Variants in TECTA observed in about 807,000 individuals in gnomAD.
TECTA encodes the protein alpha-tectorin.
Under a neutral mutation model 216.8 loss-of-function variants are expected in TECTA, and 128 were observed. That is an observed-to-expected ratio of 0.59 (90% CI 0.51 to 0.68). The LOEUF (loss-of-function observed/expected upper bound fraction) is 0.68, where lower values mean the gene tolerates loss of function less well. TECTA is among the 30% of genes least tolerant of loss of function. The pLI is 0.00. For synonymous variants in TECTA, 1,089 were observed against 1,117.1 expected, an observed-to-expected ratio of 0.97 and a Z score of 0.50; for missense variants, 2,551 against 2,786.2, an observed-to-expected ratio of 0.92 and a Z score of 1.90.
intron 7 of TECTA, among the ~76,000 whole-genome samples, chr11:121,123,287 C>T (rs906674172): frequency 4.6e-5 from 7 of 152,190 alleles, no homozygotes; most frequent in African/African-American, 1.7e-4. Context: ...TTAATTCTCT[C>T]TCTTTGAGGC....
Position 121,125,415 on chromosome 11 carries a change from T to C in TECTA, c.1317T>C (p.Phe439=). The part of the protein sequence containing the change: ...VETDFGLLVT[F]DGQHYASISV... ...CAGATTTTGGGCTCTTAGTGACTTT[T>C]GATGGCCAGCACTACGCCTCCATTT... Residue 439 remains phenylalanine (F), a synonymous_variant, in exon 8 of 24, where the codon TTT becomes TTC. Coordinates refer to ENST00000392793, the MANE Select transcript of TECTA (RefSeq NM_005422.4). 6.2e-7 allele frequency: 1 copy of C among 1,614,248 alleles called. No individual in the cohort carries two copies.
chr11:121,149,366 G>A, intron 12 of TECTA, among the ~76,000 whole-genome samples: 1 of 152,188 alleles, frequency 6.6e-6, no homozygotes. Context: ...ACTAGGATTT[G>A]TCTTACATAT....
Position 121,129,886 on chromosome 11 carries a change from A to T in TECTA, c.2616A>T (p.Ala872=). 1 of 1,614,198 alleles carries T rather than the reference A, an allele frequency of 6.2e-7. No individual in the cohort carries two copies. The highest frequency in any genetic ancestry group is 8.5e-7 in the Non-Finnish European group (1 of 1,180,012). ...ACGGCAAGTGCACGGACAACCTGGC[A>T]GTGTTCCTGGAAAGCTGGACAACTT... is the stretch of plus-strand genomic sequence containing the variant. ...LPNGKCTDNL[A]VFLESWTTFE... Residue 872 remains alanine (A), a synonymous_variant, in exon 10 of 24, where the codon GCA becomes GCT. Transcript: ENST00000392793.
intron 21 of TECTA, 61 bp from the exon 22 acceptor site, chr11:121,189,019 G>T (rs936677067): frequency 6.4e-7 from 1 of 1,563,508 alleles, no homozygotes; most frequent in Non-Finnish European, 8.8e-7. Flanking sequence ...GTGAAACATG[G>T]TGAAGAATAA....
intron 11 of TECTA, 67 bp from the exon 12 acceptor site, chr11:121,145,488 C>A: frequency 1.3e-6 from 2 of 1,549,942 alleles, no homozygotes; most frequent in Non-Finnish European, 1.8e-6. Context: ...AGAGACTCAT[C>A]GTTAGGAGAA....
At chr11:121,173,567 G>T (rs1947135317) in intron 20 of TECTA, among the ~76,000 whole-genome samples, 1 of 115,154 alleles carries the variant, frequency 8.7e-6, no homozygotes, top group Non-Finnish European at 1.8e-5. Flanking sequence ...TTTGGTACCA[G>T]TACCATGCTG....
intron 20 of TECTA, among the ~76,000 whole-genome samples, chr11:121,182,448 TGTA>T (rs1332723059): frequency 2.6e-5 from 4 of 151,930 alleles, no homozygotes; most frequent in Non-Finnish European, 5.9e-5. Context: ...TAAAGGCAAA[TGTA>T]GTCGTTGGCA....
rs546772128 is a variant in TECTA, at chr11:121,177,767, C to G, written c.5999+8842C>G. Among the ~76,000 whole-genome samples the G allele has an allele frequency of 2.9e-4, 44 of 152,332 alleles. No individual in the cohort carries two copies. In the South Asian group the frequency reaches 8.9e-3, roughly 31 times the overall value. ...ACTGCTGTCTTTTTGTTTGTCTGTG[C>G]CCTGCCCCCAGAGGTGGAGCCTACA... On this transcript the variant is annotated intron_variant, in intron 20 of 23. Coordinates refer to ENST00000392793, the MANE Select transcript of TECTA (RefSeq NM_005422.4).
intron 17 of TECTA, 110 bp from the exon 18 acceptor site, chr11:121,166,468 T>G (rs1298383170): frequency 8.6e-6 from 9 of 1,041,800 alleles, no homozygotes; most frequent in Non-Finnish European, 1.2e-5. Context: ...AGCCTTGGAG[T>G]GGAGGTCATT....
intron 20 of TECTA, among the ~76,000 whole-genome samples, chr11:121,177,038 A>G (rs1432166401): frequency 6.6e-6 from 1 of 151,948 alleles, no homozygotes; most frequent in Non-Finnish European, 1.5e-5. Context: ...GCTCCTTTAC[A>G]CACTTCTCTG....
Position 121,185,117 on chromosome 11 carries a change from T to C in TECTA, c.6000-2715T>C, listed in dbSNP as rs150254594. 5.5e-3 allele frequency among the ~76,000 whole-genome samples: 838 copies of C among 152,362 alleles called. 11 individuals carry two copies. Among genetic ancestry groups the C allele is most frequent in the African/African-American group, 0.019 (800 of 41,596 alleles). On this transcript the variant is annotated intron_variant, in intron 20 of 23. Coordinates refer to ENST00000392793, the MANE Select transcript of TECTA (RefSeq NM_005422.4). ...GAGCCGGAGAGCATGTTCATAAATCTCAGCTTACCCCAGTGTCTGTCTGAA... is the reference window on the plus strand; with the variant it reads ...GAGCCGGAGAGCATGTTCATAAATCCCAGCTTACCCCAGTGTCTGTCTGAA...
chr11:121,155,864 C>T (rs1011444964), intron 13 of TECTA, among the ~76,000 whole-genome samples: 1 of 152,124 alleles, frequency 6.6e-6, no homozygotes, highest in African/African-American at 2.4e-5. Flanking sequence ...CAAACCCTAC[C>T]AAGCAGAGTC....
At chr11:121,116,721 A>C (rs1254712140) in intron 6 of TECTA, among the ~76,000 whole-genome samples, 1 of 152,154 alleles carries the variant, frequency 6.6e-6, no homozygotes, top group Non-Finnish European at 1.5e-5. Context: ...CCACAAACAA[A>C]ATTATCTCAA....
At chr11:121,177,183 T>C (rs1436165911) in intron 20 of TECTA, among the ~76,000 whole-genome samples, 7 of 152,286 alleles carry the variant, frequency 4.6e-5, no homozygotes, top group Non-Finnish European at 5.9e-5. Context: ...CTCGTCAAAG[T>C]CATTCTCTGT....
intron 20 of TECTA, among the ~76,000 whole-genome samples, chr11:121,176,898 T>C (rs1461868405): frequency 1.3e-5 from 2 of 152,192 alleles, no homozygotes. Context: ...TTCTCTAAAC[T>C]TCCCTTCTTG....
chr11:121,160,382 T>C lies in TECTA; in HGVS notation c.4937T>C (p.Val1646Ala). Residue 1646 changes from valine (V) to alanine (A), a missense_variant, in exon 15 of 24, where the codon GTG becomes GCG. By Grantham distance (64) the Val-to-Ala change is moderately conservative. This residue lies in a region of TECTA where 2,375 missense variants were observed against 2,563.9 expected (regional missense o/e 0.93). Coordinates refer to ENST00000392793, the MANE Select transcript of TECTA (RefSeq NM_005422.4). Reference protein sequence around the residue: ...LRGKPVVSSVVLAQSWKTNGM... With the variant: ...LRGKPVVSSVALAQSWKTNGM... ...GGGAAGCCGGTGGTAAGCAGCGTGG[T>C]GCTGGCCCAGAGCTGGAAAACCAAT... 1 of 1,613,322 alleles carries C rather than the reference T, an allele frequency of 6.2e-7. No homozygotes were observed. The highest frequency in any genetic ancestry group is 8.5e-7 in the Non-Finnish European group (1 of 1,179,952).
Position 121,158,102 on chromosome 11 carries a change from A to T in TECTA, c.4567A>T (p.Ile1523Phe). The stretch of plus-strand genomic sequence containing the variant: ...CACCATCTGCCAGAAACTGCCCGAC[A>T]TCTCCTTCCAGCTTATCATCAACTT... ...LSTICQKLPD[I>F]SFQLIINFDK... is the part of the protein sequence containing the mutation. The change falls in exon 14 of 24, where the codon ATC becomes TTC. Residue 1523 changes from isoleucine to phenylalanine, a missense_variant. By Grantham distance (21) the Ile-to-Phe change is conservative. Coordinates refer to ENST00000392793, the MANE Select transcript of TECTA (RefSeq NM_005422.4). 1 of 1,614,148 alleles carries T rather than the reference A, an allele frequency of 6.2e-7. No individual in the cohort carries two copies.
chr11:121,133,295 C>T (rs898588618), intron 10 of TECTA, among the ~76,000 whole-genome samples: 4 of 152,048 alleles, frequency 2.6e-5, no homozygotes, highest in Admixed American at 6.6e-5. Context: ...CCTCATTACC[C>T]GTAAAACTTC....
intron 13 of TECTA, among the ~76,000 whole-genome samples, 198 bp from the exon 14 acceptor site, chr11:121,157,643 G>A (rs930353837): frequency 4.6e-5 from 7 of 152,290 alleles, no homozygotes; most frequent in African/African-American, 7.2e-5. Context: ...TCAAAACTGC[G>A]TATTGTTTGG....
Sources: gnomAD v4.1 joint callset for allele counts (sites outside exome capture counted in the v4.1 genomes callset) on GRCh38, gnomAD v4.1.1 for gene constraint, gnomAD v4.1.1 regional missense constraint, MANE v1.5 for transcripts, NCBI Gene and HGNC (gene_info 2026-07-23, HGNC 2026-07-21) for gene names.